ZNF608: variants seen among roughly 807,000 people sequenced by gnomAD.
ZNF608 encodes renal carcinoma antigen NY-REN-36.
A neutral mutation model predicts 109.0 loss-of-function variants in ZNF608; 12 were observed. That is an observed-to-expected ratio of 0.11 (90% CI 0.07 to 0.18). The LOEUF is 0.18. Among genes scored for constraint, ZNF608 ranks in the 10% least tolerant of loss-of-function variants. The pLI, the probability that ZNF608 is intolerant of heterozygous loss-of-function variation, is 1.00. For synonymous variants in ZNF608, 732 were observed against 717.4 expected, an observed-to-expected ratio of 1.02 and a Z score of -0.33; for missense variants, 1,707 against 1,879.3, an observed-to-expected ratio of 0.91 and a Z score of 1.70.
intron 8 of ZNF608, 28 bp from the exon 9 acceptor site, chr5:124,639,242 G>A (rs1218799907): frequency 1.9e-6 from 3 of 1,604,920 alleles, no homozygotes; most frequent in Non-Finnish European, 2.6e-6. Context: ...TAGAGTGTCT[G>A]TGATCTTTAG....
rs1750402064 is a variant in ZNF608, at chr5:124,644,454, A to T, written c.3913T>A (p.Ser1305Thr). 6.2e-7 allele frequency: 1 copy of T among 1,613,988 alleles called. No homozygotes were observed. The highest frequency in any genetic ancestry group is 1.3e-5 in the African/African-American group (1 of 74,956). Residue 1305 changes from serine (S) to threonine (T), a missense_variant, in exon 6 of 10, where the codon TCA (serine) becomes ACA (threonine). Physicochemically the swap from Ser to Thr is moderately conservative, Grantham distance 58 (BLOSUM62 1). Coordinates refer to ENST00000513986, the MANE Select transcript of ZNF608 (RefSeq NM_020747.3). ...TTTTTCAGCTTGCTCTCCTCCATTG[A>T]TTGAGAATCAGGATGCTTGGCCTCT... ...PKEAKHPDSQSMEESKLKNDD... is the reference protein window; with the variant it reads ...PKEAKHPDSQTMEESKLKNDD...
chr5:124,662,727 T>A (rs543623925), intron 3 of ZNF608, among the ~76,000 whole-genome samples: 1 of 152,254 alleles, frequency 6.6e-6, no homozygotes, highest in African/African-American at 2.4e-5. Context: ...TTTATACACC[T>A]CTCTTCACTG....
Position 124,745,257 on chromosome 5 carries a change from G to A in ZNF608, c.-183-85C>T. 5 of 1,222,336 alleles carry A rather than the reference G, an allele frequency of 4.1e-6. No individual in the cohort carries two copies. The East Asian group carries it at 1.7e-4, about 41-fold the overall frequency. The allele number at this position is 1,222,336 out of a possible 1,614,324, so 75.7% of individuals were successfully genotyped here. On this transcript the variant is annotated intron_variant, in intron 1 of 9. Transcript: ENST00000513986. Reference sequence around the variant, plus strand: ...CGATTAGTATTGGGGAATCAGTAAAGGGGACAGGGAAGGATGGAGAGTAAG... The same window carrying A: ...CGATTAGTATTGGGGAATCAGTAAAAGGGACAGGGAAGGATGGAGAGTAAG...
At chr5:124,666,354 A>G (rs1251243781) in intron 3 of ZNF608, 1 of 152,244 alleles carries the variant, frequency 6.6e-6, no homozygotes, top group Non-Finnish European at 1.5e-5. Context: ...TGAATGCGCC[A>G]CTACTGGATG....
intron 9 of ZNF608, chr5:124,638,815 C>T (rs777224829): frequency 9.1e-6 from 10 of 1,102,430 alleles, no homozygotes; most frequent in Admixed American, 8.9e-5. Flanking sequence ...TCTCCATTTG[C>T]GACTTTATCT....
At chr5:124,688,927 G>A (rs1752501976) in intron 3 of ZNF608, among the ~76,000 whole-genome samples, 1 of 152,040 alleles carries the variant, frequency 6.6e-6, no homozygotes, top group Admixed American at 6.6e-5. Flanking sequence ...GAACTACTAA[G>A]AAATTATAGC....
intron 2 of ZNF608, among the ~76,000 whole-genome samples, chr5:124,724,794 CA>C (rs1206285476): frequency 6.6e-6 from 1 of 152,144 alleles, no homozygotes; most frequent in African/African-American, 2.4e-5. Context: ...CACGGGGTAA[CA>C]TCATCTCCCT....
intron 3 of ZNF608, among the ~76,000 whole-genome samples, chr5:124,669,100 CG>C (rs1354501355): frequency 2.0e-5 from 3 of 151,954 alleles, no homozygotes; most frequent in African/African-American, 7.2e-5. Context: ...AAAAAAAAAT[CG>C]GATGGAGCAG....
intron 2 of ZNF608, among the ~76,000 whole-genome samples, chr5:124,732,898 T>A (rs1748970694): frequency 6.6e-6 from 1 of 152,030 alleles, no homozygotes; most frequent in Admixed American, 6.6e-5. Context: ...ACCTTGAGAG[T>A]TTTGCTTCCT....
chr5:124,734,283 T>C (rs1005040507), intron 2 of ZNF608, among the ~76,000 whole-genome samples: 6 of 152,226 alleles, frequency 3.9e-5, no homozygotes, highest in African/African-American at 1.4e-4. Flanking sequence ...AATTCTCCAG[T>C]ACTTGAGAAA....
intron 2 of ZNF608, among the ~76,000 whole-genome samples, chr5:124,736,246 C>T (rs1272371541): frequency 6.6e-6 from 1 of 152,198 alleles, no homozygotes; most frequent in Non-Finnish European, 1.5e-5. Flanking sequence ...TAATAAAGCA[C>T]AGATTTGATA....
In ZNF608 at chr5:124,659,154, A is replaced by AT. The variant is rs10709034; in HGVS notation, c.1163-9458dup. On this transcript the variant is annotated intron_variant, in intron 3 of 9. Transcript: ENST00000513986. ...TCCTGCACTTAATATTAATTACAGG[A>AT]TTTTTTTTTTTTTAAGTTAACAACT... Among the ~76,000 whole-genome samples the AT allele has an allele frequency of 1.1e-3, 166 of 149,096 alleles. 2 individuals carry two copies. Among genetic ancestry groups the AT allele is most frequent in the Admixed American group, 9.7e-3 (145 of 14,982 alleles).
chr5:124,655,501 T>G (rs1750966764), intron 3 of ZNF608, among the ~76,000 whole-genome samples: 1 of 152,180 alleles, frequency 6.6e-6, no homozygotes, highest in Admixed American at 6.5e-5. Context: ...GAAACCTCAT[T>G]CGAATAACAC....
intron 3 of ZNF608, among the ~76,000 whole-genome samples, chr5:124,686,833 C>T (rs550825802): frequency 3.3e-4 from 51 of 152,254 alleles, no homozygotes; most frequent in Admixed American, 8.5e-4. Flanking sequence ...AGTAAGTCCT[C>T]GAAGAGCTGG....
At chr5:124,644,927 T>A (rs1022043498) in intron 5 of ZNF608, among the ~76,000 whole-genome samples, 1 of 152,212 alleles carries the variant, frequency 6.6e-6, no homozygotes, top group African/African-American at 2.4e-5. Flanking sequence ...AAGGTCATGC[T>A]GCTGCCCAGT....
At chr5:124,704,965 G>C (rs1753200202) in intron 2 of ZNF608, among the ~76,000 whole-genome samples, 1 of 152,116 alleles carries the variant, frequency 6.6e-6, no homozygotes, top group South Asian at 2.1e-4. Context: ...AAGGGTGGAA[G>C]GGAAGTAATT....
chr5:124,710,373 T>C, intron 2 of ZNF608: 1 of 373,788 alleles, frequency 2.7e-6, no homozygotes, highest in South Asian at 2.1e-5. Flanking sequence ...CACATTTGAA[T>C]TACAAACTCA....
chr5:124,737,034 C>G (rs775161006), intron 2 of ZNF608, among the ~76,000 whole-genome samples: 5 of 152,060 alleles, frequency 3.3e-5, no homozygotes, highest in Non-Finnish European at 5.9e-5. Context: ...TGAAAAGAAG[C>G]CATCAGGGAA....
rs759172532 is a variant in ZNF608 at position 124,644,554 on chromosome 5, C to G, written c.3813G>C (p.Pro1271=). 1.2e-6 allele frequency: 2 copies of G among 1,613,956 alleles called. No individual in the cohort carries two copies. Among genetic ancestry groups the G allele is most frequent in the African/African-American group, 1.3e-5 (1 of 74,884 alleles). The change falls in exon 6 of 10, where the codon CCG becomes CCC. Residue 1271 remains proline, a synonymous_variant. Transcript: ENST00000513986. Reference sequence around the variant, plus strand: ...CACTCTCTTTATTAGGAGTTTTCCTCGGACTATCCTCTTTTAATTTCTTCT... The same window carrying G: ...CACTCTCTTTATTAGGAGTTTTCCTGGGACTATCCTCTTTTAATTTCTTCT... ...DREKKLKEDS[P]RKTPNKESGV...
Sources: gnomAD v4.1 joint callset for allele counts (sites outside exome capture counted in the v4.1 genomes callset) on GRCh38, gnomAD v4.1.1 for gene constraint, MANE v1.5 for transcripts, NCBI Gene and HGNC (gene_info 2026-07-23, HGNC 2026-07-21) for gene names.